Variants in ZRANB3 observed in about 807,000 individuals in gnomAD.
The protein encoded by ZRANB3 is zinc finger RANBP2-type containing 3, also known as DNA annealing helicase and endonuclease ZRANB3.
In ZRANB3, 125 loss-of-function variants were observed where a neutral mutation model predicts 133.8. That is an observed-to-expected ratio of 0.93 (90% CI 0.81 to 1.08). The LOEUF (loss-of-function observed/expected upper bound fraction) is 1.08. ZRANB3 is among the 50% of genes least tolerant of loss of function. ZRANB3 has a pLI of 0.00. For missense variants in ZRANB3, 1,229 were observed against 1,275.5 expected, an observed-to-expected ratio of 0.96 and a Z score of 0.56; for synonymous variants, 387 against 432.7, an observed-to-expected ratio of 0.89 and a Z score of 1.31.
intron 3 of ZRANB3, among the ~76,000 whole-genome samples, chr2:135,364,083 CAGGAAGGAAGGAGGGCAGGAGGGA>C (rs1249614834): frequency 9.8e-4 from 136 of 138,264 alleles, no homozygotes; most frequent in African/African-American, 3.8e-3. Flanking sequence ...GGAAGGAGGG[CAGGAAGGAAGGAGGGCAGGAGGGA>C]AGGAGGGAAG....
At chr2:135,201,003 A>AC (rs1171310428) in intron 20 of ZRANB3, among the ~76,000 whole-genome samples, 1 of 151,682 alleles carries the variant, frequency 6.6e-6, no homozygotes. Flanking sequence ...TGATCCATCC[A>AC]CCTCAGCCTC....
At chr2:135,437,722 T>C (rs180898420) in intron 2 of ZRANB3, among the ~76,000 whole-genome samples, 290 of 152,332 alleles carry the variant, frequency 1.9e-3, no homozygotes, top group African/African-American at 6.5e-3. Flanking sequence ...TAAATTTCAA[T>C]TCTCATAAAA....
At chr2:135,245,947 A>AAAAAAAAAAG (rs1553461041) in intron 12 of ZRANB3, among the ~76,000 whole-genome samples, 12 of 145,450 alleles carry the variant, frequency 8.3e-5, no homozygotes, top group African/African-American at 2.6e-4. Flanking sequence ...AAAAAAAAAA[A>AAAAAAAAAAG]AGAGACAGGG....
chr2:135,233,517 G>C (rs1487555913), intron 12 of ZRANB3, among the ~76,000 whole-genome samples: 1 of 152,120 alleles, frequency 6.6e-6, no homozygotes. Context: ...TGAAATGAAG[G>C]AAAAAATGTT....
chr2:135,335,510 T>C (rs1163674929), intron 6 of ZRANB3, among the ~76,000 whole-genome samples: 2 of 152,056 alleles, frequency 1.3e-5, no homozygotes, highest in African/African-American at 2.4e-5. Context: ...TTGGCCAACA[T>C]GGTGAAACCC....
At chr2:135,292,638 G>A (rs533744929) in intron 8 of ZRANB3, among the ~76,000 whole-genome samples, 6 of 152,254 alleles carry the variant, frequency 3.9e-5, no homozygotes, top group Admixed American at 6.5e-5. Flanking sequence ...TGTTGCCATT[G>A]CTTTTGGTGT....
rs571396476 is a variant in ZRANB3 at position 135,405,772 on chromosome 2, C to T, written c.162-14952G>A. 3.1e-4 allele frequency among the ~76,000 whole-genome samples: 47 copies of T among 152,200 alleles called. No individual in the cohort carries two copies. In the South Asian group the frequency reaches 5.8e-3, roughly 19 times the overall value. On this transcript the variant is annotated intron_variant, in intron 2 of 20. Coordinates refer to ENST00000264159, the MANE Select transcript of ZRANB3 (RefSeq NM_032143.4). ...AGATCAAGATGTTCTTTGAAACCAA[C>T]GACAACAAAGACACAACACACCAGA...
chr2:135,381,290 G>A (rs1260597480), intron 3 of ZRANB3, among the ~76,000 whole-genome samples: 1 of 152,208 alleles, frequency 6.6e-6, no homozygotes, highest in East Asian at 1.9e-4. Flanking sequence ...TAACACAGCA[G>A]CAAGGCTGGG....
At chr2:135,487,592 C>T (rs1289570372) in intron 2 of ZRANB3, among the ~76,000 whole-genome samples, 1 of 152,234 alleles carries the variant, frequency 6.6e-6, no homozygotes, top group Non-Finnish European at 1.5e-5. Flanking sequence ...GCTTCTACAT[C>T]AGCACCTGCT....
chr2:135,321,329 T>C (rs951531632), intron 6 of ZRANB3, among the ~76,000 whole-genome samples: 1 of 152,236 alleles, frequency 6.6e-6, no homozygotes, highest in African/African-American at 2.4e-5. Flanking sequence ...ACTGGTATTT[T>C]AACTCACATT....
chr2:135,417,058 T>G (rs1371396054), intron 2 of ZRANB3, among the ~76,000 whole-genome samples: 1 of 152,084 alleles, frequency 6.6e-6, no homozygotes, highest in Non-Finnish European at 1.5e-5. Context: ...GGGCAAGGAC[T>G]TCATGACTAA....
At chr2:135,486,879 C>T (rs1324172205) in intron 2 of ZRANB3, among the ~76,000 whole-genome samples, 1 of 152,182 alleles carries the variant, frequency 6.6e-6, no homozygotes, top group African/African-American at 2.4e-5. Flanking sequence ...CTTCCAAATT[C>T]CTATTGATTT....
chr2:135,469,371 T>G (rs958740811), intron 2 of ZRANB3, among the ~76,000 whole-genome samples: 2 of 152,144 alleles, frequency 1.3e-5, no homozygotes, highest in Admixed American at 6.6e-5. Context: ...AAAATAACAT[T>G]AATTATTTGA....
At chr2:135,268,836 TATC>T (rs1680371733) in intron 11 of ZRANB3, 123 bp downstream of exon 11, 1 of 885,490 alleles carries the variant, frequency 1.1e-6, no homozygotes, top group Non-Finnish European at 1.7e-6. Flanking sequence ...TGGTCTCTAT[TATC>T]ATCATTATCT....
intron 12 of ZRANB3, among the ~76,000 whole-genome samples, chr2:135,235,739 C>G (rs967815458): frequency 1.1e-4 from 16 of 150,260 alleles, no homozygotes; most frequent in East Asian, 9.8e-4. Context: ...ATTCAACAAC[C>G]CTTCATGCTA....
At chr2:135,265,707 T>G in intron 11 of ZRANB3, 21 bp from the exon 12 acceptor site, 2 of 1,603,938 alleles carry the variant, frequency 1.2e-6, no homozygotes, top group Non-Finnish European at 1.7e-6. Context: ...AAAAAGTAAA[T>G]GAATTTTTGA....
intron 1 of ZRANB3, among the ~76,000 whole-genome samples, chr2:135,528,513 T>TA (rs1694257395): frequency 1.3e-5 from 2 of 152,172 alleles, no homozygotes; most frequent in Admixed American, 6.6e-5. Flanking sequence ...CAAGAAGACT[T>TA]ACAGTTTGTC....
intron 2 of ZRANB3, among the ~76,000 whole-genome samples, chr2:135,422,741 G>C (rs947274575): frequency 6.6e-6 from 1 of 152,162 alleles, no homozygotes; most frequent in African/African-American, 2.4e-5. Context: ...GAAGAAAATA[G>C]AATGACTGGT....
intron 2 of ZRANB3, among the ~76,000 whole-genome samples, chr2:135,473,691 G>A (rs193288545): frequency 6.6e-6 from 1 of 152,188 alleles, no homozygotes; most frequent in Non-Finnish European, 1.5e-5. Context: ...TGGTGTCTTC[G>A]TATTTGTCTT....
Sources: allele counts gnomAD v4.1 joint callset (sites outside exome capture counted in the v4.1 genomes callset), GRCh38; gene constraint gnomAD v4.1.1; transcripts MANE v1.5; gene names NCBI Gene and HGNC (gene_info 2026-07-23, HGNC 2026-07-21).